The following ARHGAP25 variants were observed in gnomAD, a reference collection of about 807,000 sequenced individuals.
The protein encoded by ARHGAP25 is Rho GTPase activating protein 25, also known as rho GTPase-activating protein 25.
A neutral mutation model predicts 71.0 loss-of-function variants in ARHGAP25; 34 were observed. That is an observed-to-expected ratio of 0.48 (90% CI 0.36 to 0.64). The LOEUF (loss-of-function observed/expected upper bound fraction) is 0.64. Among genes scored for constraint, ARHGAP25 ranks in the 30% least tolerant of loss-of-function variants. ARHGAP25 has a pLI of 0.00. For synonymous variants in ARHGAP25, 282 were observed against 296.5 expected, an observed-to-expected ratio of 0.95 and a Z score of 0.50; for missense variants, 706 against 805.1, an observed-to-expected ratio of 0.88 and a Z score of 1.49.
intron 6 of ARHGAP25, 55 bp downstream of exon 6, chr2:68,813,474 G>A: frequency 6.3e-7 from 1 of 1,581,574 alleles, no homozygotes; most frequent in African/African-American, 1.4e-5. Context: ...TGGTTTTCTG[G>A]ACACTAATCC....
chr2:68,745,462 T>A (rs766165521), intron 1 of ARHGAP25, among the ~76,000 whole-genome samples: 2 of 152,230 alleles, frequency 1.3e-5, no homozygotes, highest in Non-Finnish European at 2.9e-5. Flanking sequence ...CATAGATTCA[T>A]AACTAGCATT....
At chr2:68,725,127 G>A (rs1322377504) in intron 2 of ARHGAP25, among the ~76,000 whole-genome samples, 1 of 152,110 alleles carries the variant, frequency 6.6e-6, no homozygotes, top group Non-Finnish European at 1.5e-5. Context: ...ACCTATCCAT[G>A]AGGCTGGTGC....
At chr2:68,757,574 A>C (rs1339863909) in intron 1 of ARHGAP25, 1 of 152,178 alleles carries the variant, frequency 6.6e-6, no homozygotes, top group Non-Finnish European at 1.5e-5. Flanking sequence ...TCCAAAAGCA[A>C]GGGAGAAATT....
chr2:68,787,748 A>C, intron 3 of ARHGAP25, 92 bp from the exon 4 acceptor site: 1 of 983,658 alleles, frequency 1.0e-6, no homozygotes, highest in Non-Finnish European at 1.6e-6. Context: ...CATTGAACCA[A>C]GACATCAATT....
At chr2:68,766,321 G>T (rs911828812) in intron 1 of ARHGAP25, among the ~76,000 whole-genome samples, 7 of 152,194 alleles carry the variant, frequency 4.6e-5, no homozygotes, top group Non-Finnish European at 8.8e-5. Flanking sequence ...CATTGTCAAA[G>T]AATTTTCTAC....
At chr2:68,773,801 AGT>A (rs1239597711) in intron 1 of ARHGAP25, among the ~76,000 whole-genome samples, 6 of 152,236 alleles carry the variant, frequency 3.9e-5, no homozygotes, top group African/African-American at 1.4e-4. Context: ...TTTAGTAGGA[AGT>A]AAAGTCACCT....
At chr2:68,788,803 G>T (rs928670565) in intron 4 of ARHGAP25, among the ~76,000 whole-genome samples, 1 of 152,078 alleles carries the variant, frequency 6.6e-6, no homozygotes, top group South Asian at 2.1e-4. Context: ...TGTGTGGCCT[G>T]TTATTTTGGA....
At chr2:68,742,677 T>C (rs1675582679) in intron 1 of ARHGAP25, among the ~76,000 whole-genome samples, 1 of 152,214 alleles carries the variant, frequency 6.6e-6, no homozygotes, top group African/African-American at 2.4e-5. Flanking sequence ...TTGAATCAAG[T>C]CATTGGTGAA....
chr2:68,746,724 G>C (rs1006043064), intron 1 of ARHGAP25, among the ~76,000 whole-genome samples: 27 of 150,884 alleles, frequency 1.8e-4, no homozygotes, highest in Non-Finnish European at 3.3e-4. Context: ...CATCCCCACA[G>C]GGCCGGGCGC....
upstream of ARHGAP25, among the ~76,000 whole-genome samples, chr2:68,731,790 T>C (rs1213836645): frequency 6.6e-6 from 1 of 151,682 alleles, no homozygotes; most frequent in African/African-American, 2.4e-5. Flanking sequence ...ACTCCCCAAG[T>C]CCAGTTAGGC....
intron 1 of ARHGAP25, among the ~76,000 whole-genome samples, chr2:68,748,344 T>C (rs1267141397): frequency 6.6e-6 from 1 of 152,230 alleles, no homozygotes; most frequent in African/African-American, 2.4e-5. Context: ...AGCATATAAT[T>C]AGCTGTAATT....
At chr2:68,821,092 C>CTTT (rs34119311) in intron 9 of ARHGAP25, among the ~76,000 whole-genome samples, 2,483 of 99,250 alleles carry the variant, frequency 0.025, 80 homozygotes, top group African/African-American at 0.076. Flanking sequence ...CTTTTTCTTT[C>CTTT]TTTTTTTTTT....
chr2:68,778,612 A>G (rs1678094957), intron 2 of ARHGAP25, among the ~76,000 whole-genome samples: 1 of 152,212 alleles, frequency 6.6e-6, no homozygotes, highest in South Asian at 2.1e-4. Flanking sequence ...GCCCTCACAT[A>G]CACTGATGAT....
At chr2:68,805,215 G>A (rs191509101) in intron 4 of ARHGAP25, among the ~76,000 whole-genome samples, 14 of 152,292 alleles carry the variant, frequency 9.2e-5, no homozygotes, top group Admixed American at 5.2e-4. Flanking sequence ...TTTTGGAAAC[G>A]TCAGTGTGAG....
intron 4 of ARHGAP25, among the ~76,000 whole-genome samples, chr2:68,803,297 T>C (rs1388485662): frequency 6.6e-6 from 1 of 151,862 alleles, no homozygotes; most frequent in African/African-American, 2.4e-5. Flanking sequence ...GGAAGGAGAA[T>C]TAACAACATC....
intron 5 of ARHGAP25, among the ~76,000 whole-genome samples, chr2:68,809,369 A>G (rs1023274711): frequency 3.9e-5 from 6 of 152,188 alleles, no homozygotes; most frequent in African/African-American, 1.4e-4. Context: ...GGGATCATAG[A>G]ATTGACAAAA....
At chr2:68,790,183 T>G (rs1377676363) in intron 4 of ARHGAP25, among the ~76,000 whole-genome samples, 1 of 152,082 alleles carries the variant, frequency 6.6e-6, no homozygotes, top group Non-Finnish European at 1.5e-5. Flanking sequence ...AAGACAGGGT[T>G]TCACCTTGTT....
chr2:68,785,592 C>G (rs990502868), intron 3 of ARHGAP25, among the ~76,000 whole-genome samples: 4 of 152,056 alleles, frequency 2.6e-5, no homozygotes, highest in African/African-American at 9.7e-5. Context: ...TAAATAATAT[C>G]TCCATTGTAC....
Position 68,816,345 on chromosome 2 carries a change from C to G in ARHGAP25, c.864C>G (p.Leu288=). The G allele has an allele frequency of 6.2e-7, 1 of 1,613,626 alleles. No homozygotes were observed. The highest frequency in any genetic ancestry group is 8.5e-7 in the Non-Finnish European group (1 of 1,179,568). ...TCCTTCCTCGTGACAACTATAGTCT[C>G]CTGAGCTACATCTGCAGGTGAGAGG... The part of the protein sequence containing the change: ...LSILPRDNYS[L]LSYICRFLHE... The change falls in exon 7 of 11, where the codon CTC becomes CTG. Residue 288 remains leucine (L), a synonymous_variant. Transcript: ENST00000409202.
Sources: allele counts gnomAD v4.1 joint callset (sites outside exome capture counted in the v4.1 genomes callset), GRCh38; gene constraint gnomAD v4.1.1; transcripts MANE v1.5; gene names NCBI Gene and HGNC (gene_info 2026-07-23, HGNC 2026-07-21).